The following ATP1A2 variants were observed in gnomAD, a reference collection of about 807,000 sequenced individuals.
ATP1A2 encodes the protein sodium/potassium-transporting ATPase subunit alpha-2.
A neutral mutation model predicts 113.1 loss-of-function variants in ATP1A2; 56 were observed. That is an observed-to-expected ratio of 0.49 (90% confidence interval 0.40 to 0.62). The LOEUF (loss-of-function observed/expected upper bound fraction) is 0.62, where lower values mean the gene tolerates loss of function less well. Among genes scored for constraint, ATP1A2 ranks in the 20% least tolerant of loss-of-function variants. The pLI is 0.00. For synonymous variants in ATP1A2, 490 were observed against 526.8 expected, an observed-to-expected ratio of 0.93 and a Z score of 0.96; for missense variants, 712 against 1,357.8, an observed-to-expected ratio of 0.52 and a Z score of 7.47.
chr1:160,126,391 A>C (rs982064647), intron 7 of ATP1A2, among the ~76,000 whole-genome samples: 1 of 152,116 alleles, frequency 6.6e-6, no homozygotes, highest in African/African-American at 2.4e-5. Context: ...GGTTGGTTGA[A>C]TCTATGGACA....
chr1:160,131,692 G>A (rs1394918917), intron 13 of ATP1A2, among the ~76,000 whole-genome samples: 1 of 152,044 alleles, frequency 6.6e-6, no homozygotes, highest in African/African-American at 2.4e-5. Context: ...TTAGCCACGT[G>A]TAGTGGCAGG....
Position 160,118,294 on chromosome 1 carries a change from G to A in ATP1A2, c.12+2421G>A, listed in dbSNP as rs1237409564. 3.9e-5 allele frequency among the ~76,000 whole-genome samples: 6 copies of A among 152,180 alleles called. No individual in the cohort carries two copies. In the East Asian group the frequency reaches 7.7e-4, roughly 20 times the overall value. On this transcript the variant is annotated intron_variant, in intron 1 of 22. Transcript: ENST00000361216. ...AAATTCCTCTGCACCCTGCTCTTCT[G>A]CCCACAGACCCAGCCCTGCTCCTCT...
At position 160,136,037 on chromosome 1, in the gene ATP1A2, A is replaced by T. The variant is rs762446159; in HGVS notation, c.2439+44A>T. The T allele has an allele frequency of 2.5e-6, 4 of 1,613,960 alleles. No individual in the cohort carries two copies. The Middle Eastern group carries it at 4.9e-4, about 200-fold the overall frequency. On this transcript the variant is annotated intron_variant, in intron 17 of 22. Coordinates refer to ENST00000361216, the MANE Select transcript of ATP1A2 (RefSeq NM_000702.4). ...GGAGGGGACAGGCAAGGCAATCGTGATGGCACAGTGGCAGGGAGGAGAGGT... is the reference window on the plus strand; with the variant it reads ...GGAGGGGACAGGCAAGGCAATCGTGTTGGCACAGTGGCAGGGAGGAGAGGT...
Position 160,124,524 on chromosome 1 carries a change from C to T in ATP1A2, c.630+94C>T, listed in dbSNP as rs1651522322. The T allele has an allele frequency of 1.1e-5, 17 of 1,537,554 alleles. No individual in the cohort carries two copies. In the South Asian group the frequency reaches 2.0e-4, roughly 18 times the overall value. On this transcript the variant is annotated intron_variant, in intron 6 of 22. Transcript: ENST00000361216. Reference sequence around the variant, plus strand: ...CCAGTGAGGTTTAAAGGTGGAGAGACCCAGGTCCAAATGTCAACACCATGC... The same window carrying T: ...CCAGTGAGGTTTAAAGGTGGAGAGATCCAGGTCCAAATGTCAACACCATGC...
In ATP1A2 at chr1:160,135,804, C is replaced by T. The variant is rs768651696; in HGVS notation, c.2285-35C>T. 1.2e-6 allele frequency: 2 copies of T among 1,614,132 alleles called. No individual in the cohort carries two copies. Among genetic ancestry groups the T allele is most frequent in the South Asian group, 2.2e-5 (2 of 91,086 alleles). ...GGGCTGGGGGTGGGGAAGAGTCCCT[C>T]TGACCTCCCTGATGCCCTCAGAATC... On this transcript the variant is annotated intron_variant, in intron 16 of 22. Transcript: ENST00000361216. The surrounding 1 kb of genome is among the most constrained non-coding windows in gnomAD (Gnocchi z 6.3).
rs111405592 is a variant in ATP1A2, at chr1:160,130,110, C to T, written c.1470C>T (p.Ile490=). ...FNSTNKYQLS[I]HEREDSPQSH... is the part of the protein sequence containing the mutation. ...ACCTGTTGTCTCTCCAGCTGTCTATCCACGAGCGAGAAGACAGCCCCCAGA... is the reference window on the plus strand; with the variant it reads ...ACCTGTTGTCTCTCCAGCTGTCTATTCACGAGCGAGAAGACAGCCCCCAGA... Residue 490 remains isoleucine (I), a synonymous_variant, in exon 12 of 23, where the codon ATC becomes ATT. Transcript: ENST00000361216. 140 of 1,614,190 alleles carry T rather than the reference C, an allele frequency of 8.7e-5. No homozygotes were observed. In the African/African-American group the frequency reaches 1.6e-3, roughly 19 times the overall value.
At chr1:160,119,282 A>AAAT (rs1290348839) in intron 1 of ATP1A2, among the ~76,000 whole-genome samples, 2 of 141,350 alleles carry the variant, frequency 1.4e-5, no homozygotes, top group African/African-American at 5.1e-5. Context: ...AAAAAAAAAA[A>AAAT]AGCAAACACC....
chr1:160,127,677 C>T lies in ATP1A2; in HGVS notation c.874C>T (p.Leu292=). 6.2e-7 allele frequency: 1 copy of T among 1,614,248 alleles called. No homozygotes were observed. Among genetic ancestry groups the T allele is most frequent in the Non-Finnish European group, 8.5e-7 (1 of 1,180,042 alleles). ...IAMEIEHFIQ[L]ITGVAVFLGV... ...AATGGAGATTGAACACTTCATCCAG[C>T]TGATCACAGGGGTCGCTGTATTCCT... The change falls in exon 8 of 23, where the codon CTG becomes TTG. Residue 292 remains leucine, a synonymous_variant. Transcript: ENST00000361216.
intron 20 of ATP1A2, among the ~76,000 whole-genome samples, chr1:160,138,341 A>C (rs185639468): frequency 1.3e-3 from 194 of 152,390 alleles, no homozygotes; most frequent in Non-Finnish European, 1.5e-3. Context: ...TGGTGATCGG[A>C]TGCTGATTCA....
intron 3 of ATP1A2, among the ~76,000 whole-genome samples, chr1:160,122,031 C>T (rs996410056): frequency 1.1e-4 from 17 of 152,140 alleles, no homozygotes; most frequent in African/African-American, 3.4e-4. Flanking sequence ...ACTCGAGAGG[C>T]TGAAGCAGGA....
rs369072093 is a variant in ATP1A2 at position 160,123,657 on chromosome 1, G to A, written c.381+241G>A. Among the ~76,000 whole-genome samples, 186 of 152,308 alleles carry A rather than the reference G, an allele frequency of 1.2e-3. 1 individual carries two copies. The South Asian group carries it at 0.016, about 13-fold the overall frequency. ...AAACAATCTCTCCCTGTTCCTCCCCGCTTAAGTGAGCCTGTCTGTGTGCCT... is the reference window on the plus strand; with the variant it reads ...AAACAATCTCTCCCTGTTCCTCCCCACTTAAGTGAGCCTGTCTGTGTGCCT... On this transcript the variant is annotated intron_variant, in intron 4 of 22. Transcript: ENST00000361216.
intron 20 of ATP1A2, 168 bp downstream of exon 20, chr1:160,137,199 C>T: frequency 8.6e-7 from 1 of 1,159,284 alleles, no homozygotes; most frequent in Non-Finnish European, 1.2e-6. Context: ...AAGAGAGAAG[C>T]CATGCTTCAG....
Position 160,127,657 on chromosome 1 carries a change from A to G in ATP1A2, c.854A>G (p.Glu285Gly). ...LEVGRTPIAM[E>G]IEHFIQLITG... is the part of the protein sequence containing the mutation. ...GTTGGGCGGACACCCATAGCAATGG[A>G]GATTGAACACTTCATCCAGCTGATC... The change falls in exon 8 of 23, where the codon GAG becomes GGG. Residue 285 changes from glutamate to glycine, a missense_variant. Glu to Gly is a moderately conservative substitution (Grantham distance 98). Around this residue, in one of 6 missense-constraint regions of ATP1A2, gnomAD observed 99 missense variants for 180.4 expected, o/e 0.55. Coordinates refer to ENST00000361216, the MANE Select transcript of ATP1A2 (RefSeq NM_000702.4). The G allele has an allele frequency of 6.2e-7, 1 of 1,614,214 alleles. No homozygotes were observed. The highest frequency in any genetic ancestry group is 8.5e-7 in the Non-Finnish European group (1 of 1,180,038).
chr1:160,116,278 C>T (rs1651177007), intron 1 of ATP1A2, among the ~76,000 whole-genome samples: 1 of 152,158 alleles, frequency 6.6e-6, no homozygotes, highest in African/African-American at 2.4e-5. Context: ...ATATCCATTC[C>T]TCTGGGAGTC....
At chr1:160,136,018 G>T in intron 17 of ATP1A2, 25 bp downstream of exon 17, 1 of 1,614,140 alleles carries the variant, frequency 6.2e-7, no homozygotes, top group Non-Finnish European at 8.5e-7. Flanking sequence ...TGGAGGAGGG[G>T]ACAGGCAAGG....
rs755310507 is a variant in ATP1A2, at chr1:160,136,307, C to A, written c.2500C>A (p.Arg834=). The change falls in exon 18 of 23, where the codon CGA becomes AGA. Residue 834 remains arginine, a synonymous_variant. Transcript: ENST00000361216. The part of the protein sequence containing the change: ...AESDIMKRQP[R]NSQTDKLVNE... Reference sequence around the variant, plus strand: ...GAGTGATATCATGAAGCGGCAGCCACGAAACTCCCAGACGGACAAGCTGGT... The same window carrying A: ...GAGTGATATCATGAAGCGGCAGCCAAGAAACTCCCAGACGGACAAGCTGGT... 6.2e-7 allele frequency: 1 copy of A among 1,614,162 alleles called. No individual in the cohort carries two copies. The highest frequency in any genetic ancestry group is 1.1e-5 in the South Asian group (1 of 91,080).
Position 160,124,307 on chromosome 1 carries a change from G to T in ATP1A2, c.507G>T (p.Val169=), listed in dbSNP as rs1375300504. ...FKNMVPQQAL[V]IREGEKMQIN... Reference sequence around the variant, plus strand: ...GTGGCTCCCCACAGCAAGCCCTTGTGATCCGGGAGGGAGAGAAGATGCAGA... The same window carrying T: ...GTGGCTCCCCACAGCAAGCCCTTGTTATCCGGGAGGGAGAGAAGATGCAGA... Residue 169 remains valine (V), a synonymous_variant, in exon 6 of 23, where the codon GTG becomes GTT. Transcript: ENST00000361216. 6.2e-7 allele frequency: 1 copy of T among 1,604,724 alleles called. No individual in the cohort carries two copies. Among genetic ancestry groups the T allele is most frequent in the East Asian group, 2.2e-5 (1 of 44,564 alleles).
At chr1:160,136,425 T>A in intron 18 of ATP1A2, 55 bp downstream of exon 18, 2 of 1,612,854 alleles carry the variant, frequency 1.2e-6, no homozygotes, top group South Asian at 2.2e-5. Context: ...TTTTCCCAGC[T>A]TTCAGAGGAA....
Position 160,141,418 on chromosome 1 carries a change from G to C in ATP1A2, c.*96G>C. 6.6e-7 allele frequency: 1 copy of C among 1,524,194 alleles called. No homozygotes were observed. Among genetic ancestry groups the C allele is most frequent in the African/African-American group, 1.4e-5 (1 of 73,058 alleles). The allele number at this position is 1,524,194 out of a possible 1,614,324, so 94.4% of individuals were successfully genotyped here. On this transcript the variant is annotated 3_prime_UTR_variant, in exon 23 of 23. Transcript: ENST00000361216. ...AGGGATGGAAATAACGGGTGGCATTGGGTGGCAACATTTGGGGAGAGATAA... is the reference window on the plus strand; with the variant it reads ...AGGGATGGAAATAACGGGTGGCATTCGGTGGCAACATTTGGGGAGAGATAA...
Sources: allele counts gnomAD v4.1 joint callset (sites outside exome capture counted in the v4.1 genomes callset), GRCh38; gene constraint gnomAD v4.1.1; regional missense constraint gnomAD v4.1.1; non-coding constraint Gnocchi (gnomAD v3.1); transcripts MANE v1.5; gene names NCBI Gene and HGNC (gene_info 2026-07-23, HGNC 2026-07-21).